Variants in POU2F3 observed in about 807,000 individuals in gnomAD.
The protein encoded by POU2F3 is POU domain, class 2, transcription factor 3.
Under a neutral mutation model 59.2 loss-of-function variants are expected in POU2F3, and 23 were observed. That is an observed-to-expected ratio of 0.39 (90% CI 0.28 to 0.55). The LOEUF (loss-of-function observed/expected upper bound fraction) is 0.55. Among genes scored for constraint, POU2F3 ranks in the 20% least tolerant of loss-of-function variants. The pLI is 0.66. For synonymous variants in POU2F3, 190 were observed against 214.6 expected (o/e 0.89, Z 1.00); for missense variants, 473 against 544.5 (o/e 0.87, Z 1.31).
chr11:120,309,482 A>G lies in POU2F3; in HGVS notation c.964A>G (p.Lys322Glu). Residue 322 changes from lysine to glutamate, a missense_variant, in exon 10 of 13, where the codon AAG becomes GAG. By Grantham distance (56) the Lys-to-Glu change is moderately conservative (BLOSUM62 1). Transcript: ENST00000543440. ...GATTGCAGAGCAGTTGTCCATGGAG[A>G]AGGAGGTGGTGAGGGTCTGGTTCTG... ...SMIAEQLSMEKEVVRVWFCNR... is the reference protein window; with the variant it reads ...SMIAEQLSMEEEVVRVWFCNR... The G allele has an allele frequency of 6.2e-7, 1 of 1,613,916 alleles. No homozygotes were observed.
At chr11:120,300,994 C>T (rs777746075) in intron 5 of POU2F3, 2 of 455,128 alleles carry the variant, frequency 4.4e-6, no homozygotes, top group African/African-American at 2.0e-5. Context: ...AAATAAACAT[C>T]ATACTCCTGG....
At chr11:120,298,690 G>T (rs76743158) in intron 4 of POU2F3, among the ~76,000 whole-genome samples, 2,062 of 152,280 alleles carry the variant, frequency 0.014, 50 homozygotes, top group African/African-American at 0.047. Context: ...TAGGTTGACA[G>T]CTGCTGCTGC....
intron 2 of POU2F3, among the ~76,000 whole-genome samples, chr11:120,267,104 T>C (rs981487861): frequency 9.9e-5 from 15 of 152,096 alleles, no homozygotes; most frequent in African/African-American, 3.4e-4. Flanking sequence ...CTGTGGGTCC[T>C]TCCCGTCTTT....
chr11:120,271,590 C>T (rs183627682), intron 3 of POU2F3, among the ~76,000 whole-genome samples: 22 of 152,284 alleles, frequency 1.4e-4, no homozygotes, highest in Admixed American at 3.3e-4. Flanking sequence ...GCCAGCCTTG[C>T]GGGGAGGTGG....
Position 120,240,251 on chromosome 11 carries a change from T to G in POU2F3, c.-93T>G. Reference sequence around the variant, plus strand: ...TCCCGCGGCGGCGGCGGCCGGGAACTGGAGGAAGGAGACCCTGGCTTCGCA... The same window carrying G: ...TCCCGCGGCGGCGGCGGCCGGGAACGGGAGGAAGGAGACCCTGGCTTCGCA... On this transcript the variant is annotated 5_prime_UTR_variant, in exon 1 of 13. Coordinates refer to ENST00000543440, the MANE Select transcript of POU2F3 (RefSeq NM_014352.4). 8.0e-7 allele frequency: 1 copy of G among 1,255,892 alleles called. No homozygotes were observed. The highest frequency in any genetic ancestry group is 1.0e-6 in the Non-Finnish European group (1 of 993,160). The allele number at this position is 1,255,892 out of a possible 1,614,324, so 77.8% of individuals were successfully genotyped here. A position where few individuals can be genotyped will look rare whatever the true frequency, so the allele number is the denominator to read the frequency against.
At chr11:120,242,012 G>C (rs1041545165) in intron 1 of POU2F3, among the ~76,000 whole-genome samples, 2 of 152,140 alleles carry the variant, frequency 1.3e-5, no homozygotes, top group African/African-American at 4.8e-5. Context: ...CCGACACATG[G>C]GGGGAGACTG....
In POU2F3 at chr11:120,305,645, G is replaced by A. The variant is rs1286795912; in HGVS notation, c.629G>A (p.Gly210Glu). Residue 210 changes from glycine (G) to glutamate (E), a missense_variant and splice_region_variant, in exon 8 of 13, where the codon GGA becomes GAA. Coordinates refer to ENST00000543440, the MANE Select transcript of POU2F3 (RefSeq NM_014352.4). ...CTCCCCCTCGGTCCCCACGCTTAGG[G>A]AGATGTGGGGCTGGCGATGGGAAAG... ...QRRIKLGFTQ[G>E]DVGLAMGKLY... The A allele has an allele frequency of 6.2e-7, 1 of 1,613,668 alleles. No individual in the cohort carries two copies. Among genetic ancestry groups the A allele is most frequent in the African/African-American group, 1.3e-5 (1 of 74,896 alleles).
chr11:120,305,709 A>G lies in POU2F3; in HGVS notation c.693A>G (p.Arg231=). 1 of 1,614,022 alleles carries G rather than the reference A, an allele frequency of 6.2e-7. No homozygotes were observed. Among genetic ancestry groups the G allele is most frequent in the Non-Finnish European group, 8.5e-7 (1 of 1,180,034 alleles). The part of the protein sequence containing the change: ...GNDFSQTTIS[R]FEALNLSFKN... The stretch of plus-strand genomic sequence containing the variant: ...ACTTCAGCCAGACCACCATCTCACG[A>G]TTTGAGGCCCTCAACCTGAGCTTCA... Residue 231 remains arginine (R), a synonymous_variant, in exon 8 of 13, where the codon CGA becomes CGG. Transcript: ENST00000543440.
chr11:120,282,447 G>A (rs1047429114), intron 3 of POU2F3, among the ~76,000 whole-genome samples: 6 of 152,200 alleles, frequency 3.9e-5, no homozygotes, highest in Non-Finnish European at 8.8e-5. Flanking sequence ...CTTGAGGCTA[G>A]GAGTTCAAGA....
intron 3 of POU2F3, among the ~76,000 whole-genome samples, chr11:120,273,110 G>C (rs1940150598): frequency 2.0e-5 from 3 of 152,220 alleles, no homozygotes; most frequent in South Asian, 4.1e-4. Flanking sequence ...TTGAGCTGTA[G>C]AGAGTGAGGG....
chr11:120,291,271 G>A (rs1026978451), intron 3 of POU2F3, among the ~76,000 whole-genome samples: 1 of 152,212 alleles, frequency 6.6e-6, no homozygotes, highest in African/African-American at 2.4e-5. Flanking sequence ...GATAAAAACA[G>A]ATGACAGAGA....
rs1565384479 is a variant in POU2F3, at chr11:120,302,271, T to TC, written c.362-11dup. On this transcript the variant is annotated splice_polypyrimidine_tract_variant and intron_variant, in intron 5 of 12. Transcript: ENST00000543440. ...TTTTATTTGTCTGTTCCTTTGTCCCTCCCCTTTCACCCAGGTCTGCAGCCA... is the reference window on the plus strand; with the variant it reads ...TTTTATTTGTCTGTTCCTTTGTCCCTCCCCCTTTCACCCAGGTCTGCAGCCA... 6.3e-7 allele frequency: 1 copy of TC among 1,580,622 alleles called. No individual in the cohort carries two copies.
chr11:120,286,757 G>C (rs1178084402), intron 3 of POU2F3, among the ~76,000 whole-genome samples: 4 of 151,802 alleles, frequency 2.6e-5, no homozygotes, highest in African/African-American at 9.7e-5. Flanking sequence ...CTAAGTAAAG[G>C]ATTTTTATAT....
chr11:120,307,388 A>G, intron 8 of POU2F3, 91 bp from the exon 9 acceptor site: 8 of 1,467,746 alleles, frequency 5.5e-6, no homozygotes, highest in South Asian at 1.2e-5. Flanking sequence ...TGCAGAGCCC[A>G]TCGGGAAGGG....
intron 3 of POU2F3, among the ~76,000 whole-genome samples, chr11:120,290,396 C>G (rs1410952288): frequency 6.6e-6 from 1 of 152,160 alleles, no homozygotes; most frequent in East Asian, 1.9e-4. Flanking sequence ...GTGCACCATA[C>G]ATAAAAGCAA....
intron 2 of POU2F3, 95 bp from the exon 3 acceptor site, chr11:120,269,115 G>T (rs1018465231): frequency 2.2e-6 from 2 of 929,668 alleles, no homozygotes; most frequent in Admixed American, 2.4e-5. Flanking sequence ...TTTCAAAATA[G>T]AGCCACACGC....
Position 120,244,685 on chromosome 11 carries a change from C to T in POU2F3, c.29-1764C>T, listed in dbSNP as rs1411294945. Among the ~76,000 whole-genome samples the T allele has an allele frequency of 2.6e-5, 4 of 152,168 alleles. No homozygotes were observed. In the East Asian group the frequency reaches 5.8e-4, roughly 22 times the overall value. The stretch of plus-strand genomic sequence containing the variant: ...TCTTCTCAGCACTGTTGAAGAATCC[C>T]CATGGTGAAGTATGAGCTGAGCAGA... On this transcript the variant is annotated intron_variant, in intron 1 of 12. Coordinates refer to ENST00000543440, the MANE Select transcript of POU2F3 (RefSeq NM_014352.4).
rs140831058 is a variant in POU2F3, at chr11:120,291,985, T to C, written c.133-6280T>C. On this transcript the variant is annotated intron_variant, in intron 3 of 12. Transcript: ENST00000543440. ...CACCACACCTGGCTAATGTATTGTA[T>C]TTTTAGTAGAGATGGGGTTTCACCA... Among the ~76,000 whole-genome samples, 1,193 of 152,138 alleles carry C rather than the reference T, an allele frequency of 7.8e-3. 20 individuals carry two copies. Among genetic ancestry groups the C allele is most frequent in the African/African-American group, 0.027 (1,100 of 41,500 alleles).
chr11:120,240,624 G>A (rs1001548464), intron 1 of POU2F3, among the ~76,000 whole-genome samples: 8 of 152,074 alleles, frequency 5.3e-5, no homozygotes, highest in Non-Finnish European at 2.9e-5. Flanking sequence ...CGAAGCCCCC[G>A]GTCTGGGGAG....
Sources: gnomAD v4.1 joint callset for allele counts (sites outside exome capture counted in the v4.1 genomes callset) on GRCh38, gnomAD v4.1.1 for gene constraint, MANE v1.5 for transcripts, NCBI Gene and HGNC (gene_info 2026-07-23, HGNC 2026-07-21) for gene names.